ARID1B: variants seen among roughly 807,000 people sequenced by gnomAD.
The protein encoded by ARID1B is AT-rich interaction domain 1B.
A neutral mutation model predicts 212.3 loss-of-function variants in ARID1B; 30 were observed. The observed-to-expected ratio is 0.14, with a 90% confidence interval of 0.11 to 0.19. The LOEUF (loss-of-function observed/expected upper bound fraction) is 0.19, where lower values mean the gene tolerates loss of function less well. ARID1B is among the 10% of genes least tolerant of loss of function. ARID1B has a pLI of 1.00. For missense variants in ARID1B, 2,891 were observed against 3,204.0 expected (o/e 0.90, Z 2.36); for synonymous variants, 1,402 against 1,301.7 (o/e 1.08, Z -1.66).
intron 5 of ARID1B, among the ~76,000 whole-genome samples, chr6:157,096,317 C>T (rs967804553): frequency 3.3e-5 from 5 of 152,200 alleles, no homozygotes; most frequent in African/African-American, 1.2e-4. Context: ...TTAAAGAACT[C>T]ACAGTTCTCT....
intron 13 of ARID1B, chr6:157,186,576 G>A (rs1792992817): frequency 2.1e-6 from 1 of 468,024 alleles, no homozygotes; most frequent in Non-Finnish European, 4.4e-6. Flanking sequence ...GAAAGTGTCT[G>A]GAAACATTTT....
At chr6:157,075,899 G>T (rs1332785049) in intron 4 of ARID1B, among the ~76,000 whole-genome samples, 1 of 152,212 alleles carries the variant, frequency 6.6e-6, no homozygotes, top group Non-Finnish European at 1.5e-5. Context: ...AGGCTAAGGA[G>T]ACACGGCGAG....
intron 4 of ARID1B, among the ~76,000 whole-genome samples, chr6:157,079,697 G>A (rs903892472): frequency 6.6e-6 from 1 of 152,196 alleles, no homozygotes; most frequent in Non-Finnish European, 1.5e-5. Flanking sequence ...TGCATGTGCT[G>A]GATTACTTTC....
intron 3 of ARID1B, among the ~76,000 whole-genome samples, chr6:156,912,454 A>G (rs899405849): frequency 6.6e-6 from 1 of 152,048 alleles, no homozygotes; most frequent in Non-Finnish European, 1.5e-5. Flanking sequence ...ACTCCAGGTG[A>G]GTGGGATGGG....
intron 4 of ARID1B, among the ~76,000 whole-genome samples, chr6:156,976,011 G>A (rs1246673140): frequency 6.6e-6 from 1 of 151,896 alleles, no homozygotes; most frequent in Non-Finnish European, 1.5e-5. Context: ...GGGTGGAGCG[G>A]GTGTATCGTA....
intron 5 of ARID1B, among the ~76,000 whole-genome samples, chr6:157,086,753 G>C (rs146020951): frequency 4.0e-4 from 61 of 152,276 alleles, no homozygotes; most frequent in Middle Eastern, 3.4e-3. Flanking sequence ...CTGGGTATCA[G>C]GTGTTACATT....
At chr6:156,842,318 G>T (rs768825404) in intron 2 of ARID1B, among the ~76,000 whole-genome samples, 7 of 152,076 alleles carry the variant, frequency 4.6e-5, no homozygotes, top group Admixed American at 3.3e-4. Context: ...GCCTTCTACC[G>T]CTGGATTTAC....
At chr6:157,067,409 G>C (rs180756600) in intron 4 of ARID1B, among the ~76,000 whole-genome samples, 41 of 152,316 alleles carry the variant, frequency 2.7e-4, no homozygotes, top group South Asian at 4.1e-4. Flanking sequence ...AAACTGGCCT[G>C]GTGCTAAGAC....
intron 3 of ARID1B, among the ~76,000 whole-genome samples, chr6:156,913,020 T>A (rs58399797): frequency 1.1e-4 from 14 of 131,688 alleles, no homozygotes; most frequent in African/African-American, 1.7e-4. Context: ...TTTCATACTT[T>A]CTTTTTTTTT....
chr6:156,857,522 T>C (rs1197010313), intron 2 of ARID1B, among the ~76,000 whole-genome samples: 1 of 152,224 alleles, frequency 6.6e-6, no homozygotes, highest in East Asian at 1.9e-4. Flanking sequence ...AAGCTTCTAT[T>C]TGAATTGGAA....
chr6:157,089,526 T>C (rs1785149377), intron 5 of ARID1B, among the ~76,000 whole-genome samples: 1 of 152,196 alleles, frequency 6.6e-6, no homozygotes, highest in South Asian at 2.1e-4. Context: ...ACATGGATTC[T>C]CTCCCTTTGT....
chr6:157,030,940 G>T (rs17088047), intron 4 of ARID1B, among the ~76,000 whole-genome samples: 1 of 151,882 alleles, frequency 6.6e-6, no homozygotes, highest in African/African-American at 2.4e-5. Context: ...GCTGGCTAAC[G>T]GTGCACTGAG....
intron 4 of ARID1B, among the ~76,000 whole-genome samples, chr6:157,054,223 C>CAAAAAAAAAAAAAAAAA (rs71645383): frequency 6.2e-5 from 9 of 144,634 alleles, no homozygotes; most frequent in Admixed American, 4.9e-4. Context: ...GACTCTGTCT[C>CAAAAAAAAAAAAAAAAA]AAAAAAAAGA....
At chr6:156,880,775 G>GAA (rs66501584) in intron 2 of ARID1B, among the ~76,000 whole-genome samples, 28,277 of 99,228 alleles carry the variant, frequency 0.28, 2,489 homozygotes, top group Non-Finnish European at 0.33. Flanking sequence ...GAAAAGAAAA[G>GAA]AAAAACACAC....
chr6:156,838,460 A>G (rs2128076139), intron 2 of ARID1B, among the ~76,000 whole-genome samples: 1 of 152,258 alleles, frequency 6.6e-6, no homozygotes, highest in Non-Finnish European at 1.5e-5. Flanking sequence ...CACAGAAAAG[A>G]CAGCTGTGCA....
chr6:157,082,850 T>G lies in ARID1B; in HGVS notation c.2248-1812T>G, dbSNP rs143913799. ...GAATGAAGACGTTTTCTGTTTTACT[T>G]AGAAAGATATTCTTCTTAGCAGAAG... On this transcript the variant is annotated intron_variant, in intron 4 of 19. Coordinates refer to ENST00000636930, the MANE Select transcript of ARID1B (RefSeq NM_001374828.1). Among the ~76,000 whole-genome samples, 379 of 152,354 alleles carry G rather than the reference T, an allele frequency of 2.5e-3. 3 individuals are homozygous for G. Among genetic ancestry groups the G allele is most frequent in the African/African-American group, 8.7e-3 (360 of 41,590 alleles).
In ARID1B at chr6:157,008,049, G is replaced by A. The variant is rs575673194; in HGVS notation, c.2247+72473G>A. On this transcript the variant is annotated intron_variant, in intron 4 of 19. Transcript: ENST00000636930. ...GAGCTTCATCAAAACATTTAAATTC[G>A]GCAAATAAGTGCTATTACAGAGATG... is the stretch of plus-strand genomic sequence containing the variant. Among the ~76,000 whole-genome samples, 4 of 152,194 alleles carry A rather than the reference G, an allele frequency of 2.6e-5. 1 individual carries two copies. The East Asian group carries it at 7.7e-4, about 29-fold the overall frequency.
intron 2 of ARID1B, among the ~76,000 whole-genome samples, chr6:156,849,214 C>T (rs287925): frequency 0.61 from 92,716 of 152,020 alleles, 28,645 homozygotes; most frequent in Non-Finnish European, 0.66. Context: ...AAGGTACTCA[C>T]GTGTTACCAG....
intron 3 of ARID1B, among the ~76,000 whole-genome samples, chr6:156,905,260 A>ACACT (rs1289309706): frequency 1.3e-5 from 2 of 151,770 alleles, no homozygotes; most frequent in African/African-American, 4.8e-5. Flanking sequence ...GCACACACAC[A>ACACT]CACACACACA....
Sources: gnomAD v4.1 joint callset for allele counts (sites outside exome capture counted in the v4.1 genomes callset) on GRCh38, gnomAD v4.1.1 for gene constraint, MANE v1.5 for transcripts, NCBI Gene and HGNC (gene_info 2026-07-23, HGNC 2026-07-21) for gene names.